The following FAM53A variants were observed in gnomAD, a reference collection of about 807,000 sequenced individuals.
The protein encoded by FAM53A is protein FAM53A.
Under a neutral mutation model 26.6 loss-of-function variants are expected in FAM53A, and 28 were observed. The ratio of observed to expected loss-of-function variants is 1.05; its 90% CI spans 0.78 to 1.45. The LOEUF (loss-of-function observed/expected upper bound fraction) is 1.45. Among genes scored for constraint, FAM53A ranks in the 40% most tolerant of loss-of-function variants. The probability of loss-of-function intolerance (pLI) is 0.00; values close to 1 mark genes in which losing one functional copy is unlikely to be tolerated. For synonymous variants in FAM53A, 290 were observed against 253.1 expected, an observed-to-expected ratio of 1.15 and a Z score of -1.38; for missense variants, 650 against 575.8, an observed-to-expected ratio of 1.13 and a Z score of -1.32.
rs1713654201 is a variant in FAM53A at position 1,659,322 on chromosome 4, C to T, written c.76-1854G>A. 6.6e-6 allele frequency among the ~76,000 whole-genome samples: 1 copy of T among 152,236 alleles called. No individual in the cohort carries two copies. The highest frequency in any genetic ancestry group is 1.5e-5 in the Non-Finnish European group (1 of 68,042). On this transcript the variant is annotated intron_variant, in intron 2 of 4. Transcript: ENST00000308132. This position sits in a 1 kb window ranked among gnomAD's most constrained non-coding sequence, Gnocchi z 5.2. ...ACAGGGACCCTTGTTGCTGTCGATC[C>T]TCCCAGCCCCGGGCCTCCCCGCAGC...
At chr4:1,636,519 C>T (rs556362804), downstream of FAM53A, among the ~76,000 whole-genome samples, 31 of 152,360 alleles carry the variant, frequency 2.0e-4, no homozygotes, top group Admixed American at 1.0e-3. Flanking sequence ...TCAAGCTTCC[C>T]GCTGTACGTG....
chr4:1,589,738 C>T, the FAM53A span, among the ~76,000 whole-genome samples: 1 of 152,204 alleles, frequency 6.6e-6, no homozygotes, highest in East Asian at 1.9e-4. Context: ...ATTTTCCCTT[C>T]ATTATTTTTG....
the FAM53A span, among the ~76,000 whole-genome samples, chr4:1,608,686 C>T: frequency 1.5e-4 from 23 of 152,180 alleles, no homozygotes; most frequent in African/African-American, 4.8e-4. Flanking sequence ...ACCTGACACC[C>T]GCTGCCCACC....
chr4:1,604,460 G>T, the FAM53A span, among the ~76,000 whole-genome samples: 1 of 152,142 alleles, frequency 6.6e-6, no homozygotes, highest in African/African-American at 2.4e-5. Flanking sequence ...GGGGGCCTCA[G>T]TGTGCAGGGC....
chr4:1,663,107 G>A (rs2108965093), intron 2 of FAM53A, among the ~76,000 whole-genome samples: 1 of 152,120 alleles, frequency 6.6e-6, no homozygotes, highest in South Asian at 2.1e-4. Context: ...GCTGAGGCGT[G>A]AGAATGGCGT....
In FAM53A at chr4:1,655,685, C is replaced by T. The variant is rs1028048448; in HGVS notation, c.175G>A (p.Val59Ile). The T allele has an allele frequency of 4.4e-6, 7 of 1,592,724 alleles. No individual in the cohort carries two copies. Among genetic ancestry groups the T allele is most frequent in the Non-Finnish European group, 6.0e-6 (7 of 1,173,768 alleles). Residue 59 changes from valine to isoleucine, a missense_variant, in exon 4 of 5, where the codon GTC becomes ATC. Physicochemically the swap from Val to Ile is conservative, Grantham distance 29. Coordinates refer to ENST00000308132, the MANE Select transcript of FAM53A (RefSeq NM_001174070.3). ...GGGCCCGTGGCTGCCTGGCTTCTGA[C>T]GGGCGGTCCTCCACTGAAGACCTTC... ...PWKVFSGGPPVRSQAATGPDF... is the reference protein window; with the variant it reads ...PWKVFSGGPPIRSQAATGPDF...
chr4:1,587,586 C>T, the FAM53A span, among the ~76,000 whole-genome samples: 7 of 152,066 alleles, frequency 4.6e-5, no homozygotes, highest in Admixed American at 6.6e-5. Flanking sequence ...GAAGGAGAAT[C>T]GCTTGAACCC....
At chr4:1,667,068 C>A (rs958318117) in intron 2 of FAM53A, among the ~76,000 whole-genome samples, 5 of 150,484 alleles carry the variant, frequency 3.3e-5, no homozygotes, top group Non-Finnish European at 5.9e-5. Context: ...GTGGAGGTTG[C>A]AGTGAGCCGA....
intron 1 of FAM53A, among the ~76,000 whole-genome samples, chr4:1,623,650 C>A (rs956662645): frequency 6.6e-6 from 1 of 152,224 alleles, no homozygotes; most frequent in East Asian, 1.9e-4. Context: ...CGGAACACGG[C>A]GGCAGCTCAT....
chr4:1,658,894 G>C (rs779308136), intron 2 of FAM53A, among the ~76,000 whole-genome samples: 1 of 152,246 alleles, frequency 6.6e-6, no homozygotes, highest in Non-Finnish European at 1.5e-5. Flanking sequence ...CTGTCCCGCA[G>C]GGTCCGGGCA....
At chr4:1,669,263 C>G (rs1714463797) in intron 1 of FAM53A, among the ~76,000 whole-genome samples, 1 of 152,228 alleles carries the variant, frequency 6.6e-6, no homozygotes, top group Admixed American at 6.5e-5. Context: ...GCCAGGAACA[C>G]AGAAACTCTG....
the FAM53A span, among the ~76,000 whole-genome samples, chr4:1,599,893 T>C: frequency 6.6e-6 from 1 of 152,176 alleles, no homozygotes; most frequent in African/African-American, 2.4e-5. The surrounding 1 kb of genome is among the most constrained non-coding windows in gnomAD (Gnocchi z 6.1). Flanking sequence ...CATGGCGCTG[T>C]GGCGGTCCCT....
downstream of FAM53A, among the ~76,000 whole-genome samples, chr4:1,615,946 T>TTTGGCTGTTTCAACAGAGACCA (rs1714797704): frequency 2.6e-5 from 4 of 152,216 alleles, no homozygotes; most frequent in Admixed American, 1.3e-4. Context: ...GAGACATCCG[T>TTTGGCTGTTTCAACAGAGACCA]TTGGCTGTTT....
the FAM53A span, among the ~76,000 whole-genome samples, chr4:1,601,276 T>A: frequency 4.6e-4 from 21 of 45,432 alleles, 4 homozygotes; most frequent in African/African-American, 1.1e-3. Context: ...ACCTGCACTT[T>A]CCTGGGCACT....
chr4:1,596,947 C>CG, the FAM53A span, among the ~76,000 whole-genome samples: 1 of 152,046 alleles, frequency 6.6e-6, no homozygotes, highest in Non-Finnish European at 1.5e-5. Context: ...GAAAGGCCCC[C>CG]GGGGGCTCGC....
At chr4:1,592,704 A>G in the FAM53A span, among the ~76,000 whole-genome samples, 1 of 152,056 alleles carries the variant, frequency 6.6e-6, no homozygotes, top group African/African-American at 2.4e-5. Flanking sequence ...GGAAGGAAGG[A>G]GGTGATTGAG....
intron 1 of FAM53A, among the ~76,000 whole-genome samples, chr4:1,674,789 A>C (rs1577154097): frequency 6.6e-6 from 1 of 152,170 alleles, no homozygotes; most frequent in Admixed American, 6.6e-5. Flanking sequence ...TTCCACACAC[A>C]CAATGTCAGG....
the FAM53A span, among the ~76,000 whole-genome samples, chr4:1,597,210 G>A: frequency 9.0e-6 from 1 of 110,618 alleles, no homozygotes; most frequent in African/African-American, 3.6e-5. Flanking sequence ...CATCGGCAGG[G>A]CCCTCAGCCG....
At chr4:1,606,218 T>C in the FAM53A span, among the ~76,000 whole-genome samples, 1 of 151,658 alleles carries the variant, frequency 6.6e-6, no homozygotes, top group Non-Finnish European at 1.5e-5. Flanking sequence ...TTTTTTTTTT[T>C]GTATTTTTAG....
Sources: gnomAD v4.1 joint callset for allele counts (sites outside exome capture counted in the v4.1 genomes callset) on GRCh38, gnomAD v4.1.1 for gene constraint, Gnocchi (gnomAD v3.1) non-coding constraint, MANE v1.5 for transcripts, NCBI Gene and HGNC (gene_info 2026-07-23, HGNC 2026-07-21) for gene names.